TTC7A: variants seen among roughly 807,000 people sequenced by gnomAD.
TTC7A encodes the protein tetratricopeptide repeat protein 7A.
TTC7A carries 110 observed loss-of-function variants against 103.7 expected under a neutral mutation model. The observed-to-expected ratio is 1.06, with a 90% CI of 0.91 to 1.24. The LOEUF is 1.24. Ranked by LOEUF, TTC7A falls within the 50% of genes most tolerant of loss-of-function variation. The probability of loss-of-function intolerance (pLI) is 0.00; values close to 1 mark genes in which losing one functional copy is unlikely to be tolerated. For synonymous variants in TTC7A, 521 were observed against 467.9 expected, an observed-to-expected ratio of 1.11 and a Z score of -1.47; for missense variants, 1,340 against 1,116.3, an observed-to-expected ratio of 1.20 and a Z score of -2.86.
intron 6 of TTC7A, 122 bp downstream of exon 6, chr2:46,993,650 A>G (rs1240425497): frequency 7.0e-6 from 6 of 855,582 alleles, no homozygotes; most frequent in Non-Finnish European, 1.2e-5. Context: ...TGCTTGTGGC[A>G]GAGGTTGGTA....
chr2:46,977,998 AAG>A (rs776415930), intron 4 of TTC7A: 3 of 152,228 alleles, frequency 2.0e-5, no homozygotes, highest in Non-Finnish European at 2.9e-5. Flanking sequence ...GCAATTTTCT[AAG>A]AGTTTCATTT....
At chr2:47,055,573 C>T (rs192266579) in intron 18 of TTC7A, among the ~76,000 whole-genome samples, 1 of 152,276 alleles carries the variant, frequency 6.6e-6, no homozygotes, top group East Asian at 1.9e-4. Context: ...CTTCATCCCC[C>T]ATGACCCCCA....
At chr2:46,930,150 G>C (rs1313825310) in intron 2 of TTC7A, among the ~76,000 whole-genome samples, 1 of 152,000 alleles carries the variant, frequency 6.6e-6, no homozygotes, top group Non-Finnish European at 1.5e-5. Context: ...TAAGATAAAT[G>C]AAATAATAAA....
chr2:47,074,214 T>G lies in TTC7A; in HGVS notation c.*291T>G. 2.2e-6 allele frequency: 1 copy of G among 460,030 alleles called. No individual in the cohort carries two copies. Among genetic ancestry groups the G allele is most frequent in the African/African-American group, 2.0e-5 (1 of 50,744 alleles). 28.5% of individuals were successfully genotyped at this position (460,030 alleles called of 1,614,324 possible). A position where few individuals can be genotyped will look rare whatever the true frequency, so the allele number is the denominator to read the frequency against. ...GCTGGGCAGCGGGGAGCCTCACAGC[T>G]GTCCTTCACCCTCACCCATGCCTCT... On this transcript the variant is annotated 3_prime_UTR_variant, in exon 20 of 20. Transcript: ENST00000319190.
chr2:47,061,257 G>T (rs1431680555), intron 19 of TTC7A, among the ~76,000 whole-genome samples: 1 of 152,156 alleles, frequency 6.6e-6, no homozygotes, highest in African/African-American at 2.4e-5. Context: ...TCCTTTTGCT[G>T]TAGGGTTCCG....
chr2:47,029,180 A>G, intron 14 of TTC7A, 44 bp from the exon 15 acceptor site: 1 of 1,606,592 alleles, frequency 6.2e-7, no homozygotes, highest in Non-Finnish European at 8.5e-7. Context: ...GTCCCAGGGC[A>G]GCATGTGCCT....
intron 2 of TTC7A, among the ~76,000 whole-genome samples, chr2:46,927,834 CTG>C (rs1263096149): frequency 2.0e-5 from 3 of 146,572 alleles, no homozygotes; most frequent in Non-Finnish European, 3.0e-5. Context: ...TAGAAAAAAA[CTG>C]AGTGATTTAT....
chr2:46,977,901 G>T (rs755473685), intron 4 of TTC7A, among the ~76,000 whole-genome samples: 7 of 152,172 alleles, frequency 4.6e-5, no homozygotes, highest in Non-Finnish European at 8.8e-5. Flanking sequence ...GACATTTTCT[G>T]AGCCTCAGTT....
At position 47,011,262 on chromosome 2, in the gene TTC7A, TCGC is replaced by T. The variant is rs1678011332; in HGVS notation, c.1288-67_1288-65del. ...AGCAAGGCTTGGTTGTTTGGGAAGC[TCGC>T]CCCACTGTGGGCCCTTGAGATCCAG... is the stretch of plus-strand genomic sequence containing the variant. On this transcript the variant is annotated intron_variant, in intron 10 of 19. Coordinates refer to ENST00000319190, the MANE Select transcript of TTC7A (RefSeq NM_020458.4). 2.8e-6 allele frequency: 4 copies of T among 1,432,850 alleles called. No individual in the cohort carries two copies. In the African/African-American group the frequency reaches 5.6e-5, roughly 20 times the overall value. The allele number at this position is 1,432,850 out of a possible 1,614,324, so 88.8% of individuals were successfully genotyped here.
chr2:46,931,341 T>C (rs1250949024), intron 2 of TTC7A, among the ~76,000 whole-genome samples: 1 of 152,276 alleles, frequency 6.6e-6, no homozygotes, highest in Non-Finnish European at 1.5e-5. Flanking sequence ...TCGCCTCAGC[T>C]TCTGAAAGTG....
intron 8 of TTC7A, among the ~76,000 whole-genome samples, chr2:47,001,481 G>T (rs979074754): frequency 1.3e-5 from 2 of 152,150 alleles, no homozygotes; most frequent in Non-Finnish European, 2.9e-5. Flanking sequence ...TGCAGAGGGT[G>T]GGGGGTGGTC....
Position 46,950,463 on chromosome 2 carries a change from T to C in TTC7A, c.285T>C (p.Asn95=), listed in dbSNP as rs1448114825. 2 of 1,614,156 alleles carry C rather than the reference T, an allele frequency of 1.2e-6. No homozygotes were observed. Among genetic ancestry groups the C allele is most frequent in the Admixed American group, 1.7e-5 (1 of 60,022 alleles). Reference sequence around the variant, plus strand: ...ACTCCATGCCTTTGCTGGAGAAGAATGAGCCGAAGATGAGCGAAGCCAAAA... The same window carrying C: ...ACTCCATGCCTTTGCTGGAGAAGAACGAGCCGAAGATGAGCGAAGCCAAAA... The part of the protein sequence containing the change: ...IKDSMPLLEK[N]EPKMSEAKNY... Residue 95 remains asparagine (N), a synonymous_variant, in exon 2 of 20, where the codon AAT becomes AAC. Transcript: ENST00000319190.
chr2:46,994,552 A>C, intron 7 of TTC7A, 38 bp downstream of exon 7: 2 of 1,606,604 alleles, frequency 1.2e-6, no homozygotes, highest in Non-Finnish European at 1.7e-6. Context: ...TGCCAGTCTC[A>C]CATCTCACGC....
intron 19 of TTC7A, among the ~76,000 whole-genome samples, chr2:47,070,035 T>TA (rs1247730127): frequency 6.8e-6 from 1 of 146,218 alleles, no homozygotes; most frequent in Admixed American, 6.9e-5. Flanking sequence ...ACAGCTGGCC[T>TA]AGCGCCAAGG....
rs184651064 is a variant in TTC7A at position 46,955,748 on chromosome 2, G to A, written c.349-1091G>A. ...AGGAGTGCTGGAGGCTTGCCCTGGG[G>A]TCACAGGGACCCCAGACTCTTACCT... On this transcript the variant is annotated intron_variant, in intron 2 of 19. Transcript: ENST00000319190. Among the ~76,000 whole-genome samples the A allele has an allele frequency of 4.4e-3, 667 of 152,320 alleles. 6 individuals carry two copies. Among genetic ancestry groups the A allele is most frequent in the South Asian group, 0.012 (60 of 4,828 alleles).
chr2:46,984,682 T>A (rs898375674), intron 5 of TTC7A, among the ~76,000 whole-genome samples: 3 of 152,084 alleles, frequency 2.0e-5, no homozygotes, highest in African/African-American at 7.2e-5. Flanking sequence ...CATGCTTTGC[T>A]TCTGCTGGGG....
At chr2:46,922,570 A>T (rs985908504) in intron 2 of TTC7A, among the ~76,000 whole-genome samples, 4 of 152,076 alleles carry the variant, frequency 2.6e-5, no homozygotes, top group South Asian at 2.1e-4. Flanking sequence ...CAAGGCCAAG[A>T]TATACAGCTT....
At chr2:47,015,888 GA>G (rs1436232030) in intron 11 of TTC7A, among the ~76,000 whole-genome samples, 4 of 152,098 alleles carry the variant, frequency 2.6e-5, no homozygotes, top group Non-Finnish European at 5.9e-5. Flanking sequence ...CTCCCAGGGA[GA>G]AAAAAAGGGG....
Position 46,951,633 on chromosome 2 carries a change from A to G in TTC7A, c.348+1107A>G, listed in dbSNP as rs890796588. On this transcript the variant is annotated intron_variant, in intron 2 of 19. Transcript: ENST00000319190. ...GCTGTGTTACTCAGGCTGGTCTCCA[A>G]CTCCTGGGCTCAAGCGATCCTCCTA... The G allele has an allele frequency of 1.1e-5, 5 of 455,700 alleles. No individual in the cohort carries two copies. In the Admixed American group the frequency reaches 1.2e-4, roughly 11 times the overall value. The allele number at this position is 455,700 out of a possible 1,614,324, so 28.2% of individuals were successfully genotyped here. A position where few individuals can be genotyped will look rare whatever the true frequency, so the allele number is the denominator to read the frequency against.
Sources: allele counts gnomAD v4.1 joint callset (sites outside exome capture counted in the v4.1 genomes callset), GRCh38; gene constraint gnomAD v4.1.1; transcripts MANE v1.5; gene names NCBI Gene and HGNC (gene_info 2026-07-23, HGNC 2026-07-21).